The following TNKS variants were observed in gnomAD, a reference collection of about 807,000 sequenced individuals.
TNKS encodes tankyrase.
In TNKS, 72 loss-of-function variants were observed where a neutral mutation model predicts 135.8. The observed-to-expected ratio is 0.53, with a 90% CI of 0.44 to 0.64. The LOEUF (loss-of-function observed/expected upper bound fraction) is 0.64, where lower values mean the gene tolerates loss of function less well. TNKS is among the 30% of genes least tolerant of loss of function. The probability of loss-of-function intolerance (pLI) is 0.00; values close to 1 mark genes in which losing one functional copy is unlikely to be tolerated. For synonymous variants in TNKS, 849 were observed against 649.3 expected, an observed-to-expected ratio of 1.31 and a Z score of -4.68; for missense variants, 1,769 against 1,674.0, an observed-to-expected ratio of 1.06 and a Z score of -0.99.
At position 9,709,997 on chromosome 8, in the gene TNKS, A is replaced by G. The variant is rs1424822716; in HGVS notation, c.1621A>G (p.Thr541Ala). The part of the protein sequence containing the change: ...ASLHPKRKQV[T>A]ELLLRKGANV... ...TCTGCATCCCAAACGTAAACAAGTGACAGAATTGTTACTTAGAAAAGGAGC... is the reference window on the plus strand; with the variant it reads ...TCTGCATCCCAAACGTAAACAAGTGGCAGAATTGTTACTTAGAAAAGGAGC... Residue 541 changes from threonine to alanine, a missense_variant, in exon 10 of 27, where the codon ACA becomes GCA. By Grantham distance (58) the Thr-to-Ala change is moderately conservative. Coordinates refer to ENST00000310430, the MANE Select transcript of TNKS (RefSeq NM_003747.3). 1 of 1,614,130 alleles carries G rather than the reference A, an allele frequency of 6.2e-7. No individual in the cohort carries two copies. Among genetic ancestry groups the G allele is most frequent in the Admixed American group, 1.7e-5 (1 of 60,024 alleles).
chr8:9,631,945 G>A (rs1400946038), intron 3 of TNKS, among the ~76,000 whole-genome samples: 11 of 152,092 alleles, frequency 7.2e-5, no homozygotes, highest in Admixed American at 7.2e-4. Flanking sequence ...ATCTTCAAAA[G>A]TAATCAGATT....
rs1448030557 is a variant in TNKS, at chr8:9,556,215, C to T, written c.276C>T (p.Thr92=). 8 of 1,614,074 alleles carry T rather than the reference C, an allele frequency of 5.0e-6. No homozygotes were observed. Among genetic ancestry groups the T allele is most frequent in the Non-Finnish European group, 5.1e-6 (6 of 1,180,042 alleles). The part of the protein sequence containing the change: ...DPVDGTSCCS[T]TSTICTVAAA... ...TTGACGGTACCAGCTGTTGCAGTAC[C>T]ACCAGCACAATCTGTACCGTCGCCG... The change falls in exon 1 of 27, where the codon ACC becomes ACT. Residue 92 remains threonine, a synonymous_variant. Coordinates refer to ENST00000310430, the MANE Select transcript of TNKS (RefSeq NM_003747.3).
intron 1 of TNKS, among the ~76,000 whole-genome samples, chr8:9,562,725 C>T (rs1483286383): frequency 1.3e-5 from 2 of 152,040 alleles, no homozygotes; most frequent in Admixed American, 1.3e-4. Context: ...GCCATCATTT[C>T]TTCCATACCT....
At chr8:9,657,892 T>C (rs1480728802) in intron 3 of TNKS, among the ~76,000 whole-genome samples, 3 of 113,312 alleles carry the variant, frequency 2.6e-5, no homozygotes, top group African/African-American at 6.9e-5. Context: ...GACGGGGTGG[T>C]TGCCAGGCAG....
intron 1 of TNKS, among the ~76,000 whole-genome samples, chr8:9,569,982 C>G (rs1485349405): frequency 6.6e-6 from 1 of 152,042 alleles, no homozygotes; most frequent in Non-Finnish European, 1.5e-5. Flanking sequence ...ATTGCTTCTC[C>G]TATTCTGAGA....
chr8:9,738,883 T>A (rs1585398275), intron 17 of TNKS, among the ~76,000 whole-genome samples: 1 of 145,312 alleles, frequency 6.9e-6, no homozygotes. Context: ...TCTGTTGATT[T>A]GGGGTGGAGA....
At chr8:9,680,935 A>G (rs961929271) in intron 5 of TNKS, 135 bp downstream of exon 5, 9 of 594,608 alleles carry the variant, frequency 1.5e-5, no homozygotes, top group South Asian at 5.4e-5. Flanking sequence ...ATGAAATGCT[A>G]CTATATCTGT....
intron 3 of TNKS, among the ~76,000 whole-genome samples, chr8:9,618,003 T>C (rs2128766475): frequency 7.0e-6 from 1 of 143,104 alleles, no homozygotes; most frequent in South Asian, 2.3e-4. Context: ...TTTTTTTTTT[T>C]TGAGATGGAG....
chr8:9,750,340 A>G (rs1806455794), intron 18 of TNKS, among the ~76,000 whole-genome samples: 1 of 152,170 alleles, frequency 6.6e-6, no homozygotes, highest in African/African-American at 2.4e-5. Context: ...ATGTTAGGTG[A>G]ATACATTTCC....
chr8:9,777,063 T>C lies in TNKS; in HGVS notation c.*327T>C. ...ATAAGAAAACCAATGCTTTTTCAAATGTTCACAATTCACACACTACATTTG... is the reference window on the plus strand; with the variant it reads ...ATAAGAAAACCAATGCTTTTTCAAACGTTCACAATTCACACACTACATTTG... On this transcript the variant is annotated 3_prime_UTR_variant, in exon 27 of 27. Coordinates refer to ENST00000310430, the MANE Select transcript of TNKS (RefSeq NM_003747.3). The C allele has an allele frequency of 3.4e-6, 1 of 290,450 alleles. No individual in the cohort carries two copies. Among genetic ancestry groups the C allele is most frequent in the Non-Finnish European group, 6.5e-6 (1 of 153,014 alleles). 18.0% of individuals were successfully genotyped at this position (290,450 alleles called of 1,614,324 possible).
intron 5 of TNKS, 121 bp from the exon 6 acceptor site, chr8:9,704,542 T>G: frequency 1.3e-6 from 1 of 743,166 alleles, no homozygotes; most frequent in Non-Finnish European, 2.2e-6. Context: ...ATGTGAATTT[T>G]TGACATTTCA....
chr8:9,656,611 C>CTT (rs71201960), intron 3 of TNKS, among the ~76,000 whole-genome samples: 14,034 of 136,418 alleles, frequency 0.1, 993 homozygotes, highest in Admixed American at 0.21. Context: ...AAAGAATTTT[C>CTT]TTTTTTTTTT....
chr8:9,680,777 T>C lies in TNKS; in HGVS notation c.1084T>C (p.Cys362Arg). The change falls in exon 5 of 27, where the codon TGC becomes CGC. Residue 362 changes from cysteine to arginine, a missense_variant. This residue lies in a region of TNKS where 523 missense variants were observed against 541.0 expected (regional missense o/e 0.97). Coordinates refer to ENST00000310430, the MANE Select transcript of TNKS (RefSeq NM_003747.3). ...MALLTPLNVN[C>R]HASDGRKSTP... ...TTTACTGACTCCTCTAAATGTGAAT[T>C]GCCATGCAAGTGATGGGCGAAAGGT... 6.2e-7 allele frequency: 1 copy of C among 1,612,596 alleles called. No individual in the cohort carries two copies. Among genetic ancestry groups the C allele is most frequent in the Non-Finnish European group, 8.5e-7 (1 of 1,179,076 alleles).
chr8:9,647,292 A>G (rs1314853777), intron 3 of TNKS, among the ~76,000 whole-genome samples: 1 of 152,150 alleles, frequency 6.6e-6, no homozygotes, highest in Non-Finnish European at 1.5e-5. Context: ...AAATGATACT[A>G]TTGTTGCTGA....
At chr8:9,743,725 C>G (rs971256873) in intron 17 of TNKS, among the ~76,000 whole-genome samples, 25 of 151,958 alleles carry the variant, frequency 1.6e-4, no homozygotes, top group Admixed American at 2.6e-4. Flanking sequence ...CCATTTCTAC[C>G]AAAAAATACA....
chr8:9,660,378 G>T (rs375302258), intron 3 of TNKS, among the ~76,000 whole-genome samples: 9 of 152,124 alleles, frequency 5.9e-5, no homozygotes, highest in Non-Finnish European at 1.2e-4. Context: ...ACATCAAAAA[G>T]CTTATCCACC....
chr8:9,720,267 A>T, intron 11 of TNKS, 107 bp from the exon 12 acceptor site: 2 of 1,066,116 alleles, frequency 1.9e-6, no homozygotes, highest in Non-Finnish European at 2.5e-6. Flanking sequence ...GAGACTTTTT[A>T]AAAGCTTTGA....
intron 1 of TNKS, among the ~76,000 whole-genome samples, chr8:9,574,221 T>C (rs1797860228): frequency 6.6e-6 from 1 of 152,260 alleles, no homozygotes; most frequent in Admixed American, 6.5e-5. Context: ...CTGAAATTTA[T>C]ACATTATATT....
chr8:9,560,165 T>A (rs895871326), intron 1 of TNKS, among the ~76,000 whole-genome samples: 10 of 152,148 alleles, frequency 6.6e-5, no homozygotes, highest in Admixed American at 2.6e-4. Flanking sequence ...CATATTTTTG[T>A]TAAAGGACCC....
Sources: gnomAD v4.1 joint callset for allele counts (sites outside exome capture counted in the v4.1 genomes callset) on GRCh38, gnomAD v4.1.1 for gene constraint, gnomAD v4.1.1 regional missense constraint, MANE v1.5 for transcripts, NCBI Gene and HGNC (gene_info 2026-07-23, HGNC 2026-07-21) for gene names.